Variants in LRRC31 observed in about 807,000 individuals in gnomAD.
The protein encoded by LRRC31 is leucine rich repeat containing 31.
A neutral mutation model predicts 46.7 loss-of-function variants in LRRC31; 35 were observed. The ratio of observed to expected loss-of-function variants is 0.75; its 90% CI spans 0.57 to 0.99. The LOEUF (loss-of-function observed/expected upper bound fraction) is 0.99, where lower values mean the gene tolerates loss of function less well. Ranked by LOEUF, LRRC31 falls within the 50% of genes least tolerant of loss-of-function variation. The pLI is 0.00. For synonymous variants in LRRC31, 236 were observed against 235.1 expected (o/e 1.00, Z -0.03); for missense variants, 613 against 626.1 (o/e 0.98, Z 0.22).
intron 2 of LRRC31, among the ~76,000 whole-genome samples, chr3:169,860,991 T>C (rs1406681662): frequency 1.3e-5 from 2 of 152,156 alleles, no homozygotes; most frequent in African/African-American, 4.8e-5. Context: ...GTCTGTAAGA[T>C]TTCATACAGC....
chr3:169,841,384 T>C (rs1409394202), intron 8 of LRRC31, among the ~76,000 whole-genome samples: 1 of 152,158 alleles, frequency 6.6e-6, no homozygotes, highest in Non-Finnish European at 1.5e-5. Flanking sequence ...CGCATGGCTT[T>C]CAGATCAAGG....
At chr3:169,856,007 A>T (rs1030665598) in intron 5 of LRRC31, among the ~76,000 whole-genome samples, 1 of 151,966 alleles carries the variant, frequency 6.6e-6, no homozygotes, top group African/African-American at 2.4e-5. Flanking sequence ...CAGCCTCCCA[A>T]GTAGCTGGGA....
intron 2 of LRRC31, 47 bp downstream of exon 2, chr3:169,861,623 A>G (rs1302173204): frequency 3.1e-6 from 5 of 1,594,634 alleles, no homozygotes; most frequent in East Asian, 2.2e-5. Context: ...GCTTATCTCA[A>G]TGGAAAGGCC....
chr3:169,848,094 C>A lies in LRRC31; in HGVS notation c.1327+26G>T, dbSNP rs202065755. ...GCACCCACTGCTCTGTTTGCCAAGA[C>A]CGCTTGGGAACAAGTAGATACACAC... is the stretch of plus-strand genomic sequence containing the variant. On this transcript the variant is annotated intron_variant, in intron 8 of 8. Transcript: ENST00000316428. 46 of 1,599,104 alleles carry A rather than the reference C, an allele frequency of 2.9e-5. No individual in the cohort carries two copies. In the Admixed American group the frequency reaches 7.7e-4, roughly 27 times the overall value.
chr3:169,844,017 T>A (rs1780526382), intron 8 of LRRC31, among the ~76,000 whole-genome samples: 1 of 152,192 alleles, frequency 6.6e-6, no homozygotes, highest in African/African-American at 2.4e-5. Flanking sequence ...CAGTGGTGAA[T>A]TCTGTGAAAC....
chr3:169,840,536 C>G (rs1393578568), intron 8 of LRRC31, among the ~76,000 whole-genome samples: 3 of 152,058 alleles, frequency 2.0e-5, no homozygotes, highest in Non-Finnish European at 4.4e-5. Context: ...AAATCTCAAC[C>G]CAATAATTTT....
intron 6 of LRRC31, among the ~76,000 whole-genome samples, chr3:169,854,201 T>C (rs567845062): frequency 1.3e-5 from 2 of 152,310 alleles, no homozygotes; most frequent in South Asian, 2.1e-4. Flanking sequence ...TGGTGAGCCA[T>C]GGTCAGATGC....
rs766932732 is a variant in LRRC31, at chr3:169,840,170, G to A, written c.1471C>T (p.Arg491Ter). 27 of 1,614,084 alleles carry A rather than the reference G, an allele frequency of 1.7e-5. No homozygotes were observed. Among genetic ancestry groups the A allele is most frequent in the South Asian group, 1.4e-4 (13 of 91,082 alleles). Residue 491 changes from arginine (R) to a stop codon, truncating the protein, a stop_gained, in exon 9 of 9, where the codon CGA becomes TGA. Transcript: ENST00000316428. LOFTEE classifies it low-confidence loss of function (END_TRUNC). ...CCACAATCTCGAAAATTTGATGGTC[G>A]AAGGCTAATATCCAGCTCGATTAGC... ...KELIELDISL[R>*]PSNFRDCGQW...
chr3:169,851,673 T>C lies in LRRC31; in HGVS notation c.1105A>G (p.Lys369Glu). ...LSRLRFLPAL[K>E]SLVINNCALE... is the part of the protein sequence containing the mutation. ...GCACAGTTGTTGATAACTAATGACT[T>C]CAATGCTGGTAAAAATCGGAGCCTG... Residue 369 changes from lysine to glutamate, a missense_variant, in exon 7 of 9, where the codon AAG (lysine) becomes GAG (glutamate). Transcript: ENST00000316428. 6.2e-7 allele frequency: 1 copy of C among 1,614,190 alleles called. No individual in the cohort carries two copies. The highest frequency in any genetic ancestry group is 8.5e-7 in the Non-Finnish European group (1 of 1,180,018).
At chr3:169,852,045 T>A (rs573258826) in intron 6 of LRRC31, among the ~76,000 whole-genome samples, 1 of 151,940 alleles carries the variant, frequency 6.6e-6, no homozygotes, top group Non-Finnish European at 1.5e-5. Context: ...TAAAGAACTG[T>A]GTGATTTTGG....
chr3:169,857,415 C>CATATATATAT (rs1553924970), intron 3 of LRRC31, among the ~76,000 whole-genome samples: 1 of 98,692 alleles, frequency 1.0e-5, no homozygotes, highest in African/African-American at 3.6e-5. Flanking sequence ...TATACATATA[C>CATATATATAT]ATATATATAT....
At chr3:169,859,319 G>A (rs1418882459) in intron 3 of LRRC31, among the ~76,000 whole-genome samples, 4 of 147,226 alleles carry the variant, frequency 2.7e-5, no homozygotes, top group Admixed American at 6.8e-5. Context: ...CCGGGGGGGC[G>A]GGTAGGCACT....
intron 8 of LRRC31, among the ~76,000 whole-genome samples, chr3:169,844,863 C>T (rs191002801): frequency 1.4e-5 from 2 of 145,550 alleles, no homozygotes; most frequent in East Asian, 4.0e-4. Flanking sequence ...ACCCAGGAGT[C>T]GGAAGTTGTG....
chr3:169,853,187 C>G (rs1209353398), intron 6 of LRRC31: 1 of 983,354 alleles, frequency 1.0e-6, no homozygotes, highest in South Asian at 4.7e-5. Context: ...GCCCCTGGCA[C>G]GGTGCCCCAC....
rs1229925273 is a variant in LRRC31 at position 169,861,799 on chromosome 3, A to T, written c.190T>A (p.Ser64Thr). Residue 64 changes from serine (S) to threonine (T), a missense_variant, in exon 2 of 9, where the codon TCA (serine) becomes ACA (threonine). Coordinates refer to ENST00000316428, the MANE Select transcript of LRRC31 (RefSeq NM_024727.4). ...ATACTGGATCTCCATTCCATTTCTG[A>T]ACTGAGAGGCTTAGCTGTGTGATAA... ...ATSETAKPLS[S>T]EMEWRSSMEK... 6.2e-7 allele frequency: 1 copy of T among 1,613,990 alleles called. No homozygotes were observed. The highest frequency in any genetic ancestry group is 1.7e-5 in the Admixed American group (1 of 59,986).
intron 7 of LRRC31, among the ~76,000 whole-genome samples, chr3:169,848,753 G>A (rs1302603881): frequency 6.6e-6 from 1 of 152,214 alleles, no homozygotes; most frequent in Admixed American, 6.5e-5. Context: ...ACCGCGCCCA[G>A]CCTGTTGTCT....
At position 169,854,864 on chromosome 3, in the gene LRRC31, C is replaced by G; in HGVS notation, c.940G>C (p.Val314Leu). 2.5e-6 allele frequency: 4 copies of G among 1,613,798 alleles called. No individual in the cohort carries two copies. Among genetic ancestry groups the G allele is most frequent in the Non-Finnish European group, 3.4e-6 (4 of 1,179,822 alleles). Residue 314 changes from valine to leucine, a missense_variant, in exon 6 of 9, where the codon GTC (valine) becomes CTC (leucine). By Grantham distance (32) the Val-to-Leu change is conservative. Coordinates refer to ENST00000316428, the MANE Select transcript of LRRC31 (RefSeq NM_024727.4). ...AGTGAGCACTGGTGAAGATCTAGGACTTGTAGATGCTTTAGCATGACCAAC... is the reference window on the plus strand; with the variant it reads ...AGTGAGCACTGGTGAAGATCTAGGAGTTGTAGATGCTTTAGCATGACCAAC... ...AQLVMLKHLQVLDLHQCSLTA... is the reference protein window; with the variant it reads ...AQLVMLKHLQLLDLHQCSLTA...
At chr3:169,858,934 A>C (rs893215221) in intron 3 of LRRC31, among the ~76,000 whole-genome samples, 3 of 125,700 alleles carry the variant, frequency 2.4e-5, no homozygotes, top group African/African-American at 9.2e-5. Context: ...TGAACTCAGG[A>C]GGCGGAGGTT....
chr3:169,845,714 G>C (rs1780584552), intron 8 of LRRC31, among the ~76,000 whole-genome samples: 1 of 151,986 alleles, frequency 6.6e-6, no homozygotes, highest in Admixed American at 6.6e-5. Flanking sequence ...CTCAAAATAG[G>C]TAATAGGTCA....
Sources: gnomAD v4.1 joint callset for allele counts (sites outside exome capture counted in the v4.1 genomes callset) on GRCh38, gnomAD v4.1.1 for gene constraint, MANE v1.5 for transcripts, NCBI Gene and HGNC (gene_info 2026-07-23, HGNC 2026-07-21) for gene names.